Variants in GRM5 observed in about 807,000 individuals in gnomAD.
GRM5 encodes metabotropic glutamate receptor 5.
GRM5 carries 19 observed loss-of-function variants against 83.1 expected under a neutral mutation model. The observed-to-expected ratio is 0.23, with a 90% CI of 0.16 to 0.34. The LOEUF (loss-of-function observed/expected upper bound fraction) is 0.34. Among genes scored for constraint, GRM5 ranks in the 10% least tolerant of loss-of-function variants. GRM5 has a pLI of 1.00. For synonymous variants in GRM5, 675 were observed against 633.6 expected (o/e 1.07, Z -0.98); for missense variants, 1,160 against 1,588.3 (o/e 0.73, Z 4.58).
At chr11:88,713,211 C>T (rs1941320543) in intron 3 of GRM5, among the ~76,000 whole-genome samples, 1 of 151,970 alleles carries the variant, frequency 6.6e-6, no homozygotes, top group African/African-American at 2.4e-5. Flanking sequence ...TCAGGTGCTG[C>T]ATTAGCTAAG....
At chr11:88,901,170 T>G (rs983351272) in intron 2 of GRM5, among the ~76,000 whole-genome samples, 1 of 152,110 alleles carries the variant, frequency 6.6e-6, no homozygotes, top group African/African-American at 2.4e-5. Context: ...GTGTGTGAGC[T>G]TAGTCAAGTC....
At chr11:89,051,254 A>T (rs1218966115) in intron 1 of GRM5, among the ~76,000 whole-genome samples, 2 of 148,574 alleles carry the variant, frequency 1.3e-5, no homozygotes, top group African/African-American at 2.5e-5. Flanking sequence ...ACTCCGTCTC[A>T]CAAAAAAGAA....
At chr11:88,680,852 A>G (rs1449838707) in intron 3 of GRM5, among the ~76,000 whole-genome samples, 3 of 152,194 alleles carry the variant, frequency 2.0e-5, no homozygotes, top group East Asian at 3.9e-4. Flanking sequence ...AAAGAATTAC[A>G]TAAGGAATAT....
chr11:88,970,829 C>T (rs1222923859), intron 2 of GRM5, among the ~76,000 whole-genome samples: 7 of 152,144 alleles, frequency 4.6e-5, no homozygotes, highest in African/African-American at 1.7e-4. Context: ...TATGTAGGGG[C>T]CCAGCTATGA....
chr11:89,060,628 T>C (rs564146574), intron 1 of GRM5, among the ~76,000 whole-genome samples: 2 of 152,280 alleles, frequency 1.3e-5, no homozygotes, highest in Admixed American at 1.3e-4. Flanking sequence ...CCAAGACTTT[T>C]GCCTGATGGC....
intron 8 of GRM5, among the ~76,000 whole-genome samples, chr11:88,527,173 C>T (rs1421934923): frequency 6.6e-6 from 1 of 152,114 alleles, no homozygotes; most frequent in Non-Finnish European, 1.5e-5. Flanking sequence ...AAATACTGCT[C>T]GACAGCTCAA....
chr11:88,769,858 C>G (rs1471229312), intron 3 of GRM5, among the ~76,000 whole-genome samples: 2 of 151,984 alleles, frequency 1.3e-5, no homozygotes, highest in Non-Finnish European at 2.9e-5. Flanking sequence ...GAGCAAAACT[C>G]TCCACTGTTA....
chr11:88,727,696 C>A (rs1008572091), intron 3 of GRM5, among the ~76,000 whole-genome samples: 2 of 152,074 alleles, frequency 1.3e-5, no homozygotes, highest in African/African-American at 4.8e-5. Context: ...TCTCTCAGAC[C>A]ACAGTGCATT....
chr11:89,038,135 T>C (rs186929692), intron 2 of GRM5, among the ~76,000 whole-genome samples: 11 of 141,990 alleles, frequency 7.7e-5, no homozygotes, highest in African/African-American at 2.6e-4. Flanking sequence ...AGATAATCTC[T>C]TTCTTTAGAA....
chr11:89,042,460 G>A (rs191687319), intron 2 of GRM5, among the ~76,000 whole-genome samples: 3,787 of 152,168 alleles, frequency 0.025, 66 homozygotes, highest in Non-Finnish European at 0.037. Flanking sequence ...TTCCTTAACC[G>A]TAAAATACAG....
chr11:88,584,081 A>C (rs1360529872), intron 7 of GRM5, among the ~76,000 whole-genome samples: 1 of 152,148 alleles, frequency 6.6e-6, no homozygotes, highest in African/African-American at 2.4e-5. Context: ...AAATATTTAA[A>C]TAGCGCAAAT....
At chr11:88,941,082 C>G (rs1288274413) in intron 2 of GRM5, among the ~76,000 whole-genome samples, 1 of 151,772 alleles carries the variant, frequency 6.6e-6, no homozygotes, top group Non-Finnish European at 1.5e-5. Context: ...ATCTTTTATA[C>G]TAATTTTAAT....
chr11:88,533,324 C>T (rs1252939557), intron 8 of GRM5, among the ~76,000 whole-genome samples: 2 of 152,108 alleles, frequency 1.3e-5, no homozygotes, highest in African/African-American at 2.4e-5. Flanking sequence ...TTGCTTTGGC[C>T]ATTTCCTCTG....
intron 1 of GRM5, among the ~76,000 whole-genome samples, chr11:89,064,427 C>T (rs574966391): frequency 7.9e-4 from 120 of 152,276 alleles, no homozygotes; most frequent in Admixed American, 1.8e-3. Context: ...GTTGGATTTT[C>T]CTCACTCATT....
intron 2 of GRM5, among the ~76,000 whole-genome samples, chr11:89,035,704 T>A (rs1247311922): frequency 6.6e-6 from 1 of 151,996 alleles, no homozygotes; most frequent in Non-Finnish European, 1.5e-5. Flanking sequence ...CTTTATAGAA[T>A]AAAGGAACTT....
intron 2 of GRM5, among the ~76,000 whole-genome samples, chr11:88,970,011 G>C (rs1391319715): frequency 6.6e-6 from 1 of 151,930 alleles, no homozygotes. Flanking sequence ...CAATACTCAA[G>C]TAGGTATTAC....
intron 2 of GRM5, among the ~76,000 whole-genome samples, chr11:88,997,333 T>TAAAAAAAAAAAAAA (rs371168643): frequency 2.5e-5 from 3 of 119,856 alleles, no homozygotes; most frequent in Non-Finnish European, 3.5e-5. Flanking sequence ...GTCTCAAAAT[T>TAAAAAAAAAAAAAA]AAAAAAAAAA....
chr11:88,760,748 C>T (rs561841228), intron 3 of GRM5, among the ~76,000 whole-genome samples: 2 of 141,608 alleles, frequency 1.4e-5, no homozygotes, highest in Admixed American at 7.1e-5. Context: ...CACAGAGATA[C>T]AACAAAAAAA....
intron 6 of GRM5, 82 bp downstream of exon 6, chr11:88,597,102 C>T: frequency 1.2e-6 from 1 of 859,104 alleles, no homozygotes; most frequent in Non-Finnish European, 1.8e-6. Flanking sequence ...AAATAAGTGT[C>T]TAAAATTTTT....
Sources: allele counts gnomAD v4.1 joint callset (sites outside exome capture counted in the v4.1 genomes callset), GRCh38; gene constraint gnomAD v4.1.1; transcripts MANE v1.5; gene names NCBI Gene and HGNC (gene_info 2026-07-23, HGNC 2026-07-21).